PLD5: variants seen among roughly 807,000 people sequenced by gnomAD.
The protein encoded by PLD5 is inactive phospholipase D5.
Under a neutral mutation model 61.1 loss-of-function variants are expected in PLD5, and 36 were observed. The ratio of observed to expected loss-of-function variants is 0.59; its 90% CI spans 0.45 to 0.78. The LOEUF is 0.78. PLD5 is among the 30% of genes least tolerant of loss of function. The pLI is 0.00. For synonymous variants in PLD5, 243 were observed against 242.8 expected (o/e 1.00, Z -0.01); for missense variants, 515 against 644.4 (o/e 0.80, Z 2.17).
chr1:242,277,346 T>C (rs561870570), intron 3 of PLD5, among the ~76,000 whole-genome samples: 1 of 152,076 alleles, frequency 6.6e-6, no homozygotes, highest in Admixed American at 6.5e-5. Flanking sequence ...TGCAGTGAGA[T>C]TCCAGCATCC....
chr1:242,332,510 A>G (rs1659245367), intron 2 of PLD5, among the ~76,000 whole-genome samples: 1 of 152,238 alleles, frequency 6.6e-6, no homozygotes, highest in African/African-American at 2.4e-5. Flanking sequence ...ACAGTGTAAA[A>G]GCGTTCCTAT....
At chr1:242,184,884 C>T (rs1413199972) in intron 5 of PLD5, among the ~76,000 whole-genome samples, 1 of 152,148 alleles carries the variant, frequency 6.6e-6, no homozygotes, top group African/African-American at 2.4e-5. Context: ...AGGTGCAGGG[C>T]AATCAACAGA....
intron 1 of PLD5, among the ~76,000 whole-genome samples, chr1:242,496,606 T>G (rs1668377548): frequency 6.6e-6 from 1 of 152,360 alleles, no homozygotes; most frequent in Admixed American, 6.5e-5. Flanking sequence ...AAGTTACCAA[T>G]ATTGTCATTT....
chr1:242,521,155 T>C (rs1669267106), intron 1 of PLD5, among the ~76,000 whole-genome samples: 1 of 152,238 alleles, frequency 6.6e-6, no homozygotes, highest in South Asian at 2.1e-4. Context: ...TTCTTATTCA[T>C]TATTTTAGTA....
intron 1 of PLD5, among the ~76,000 whole-genome samples, chr1:242,355,200 A>G (rs2149229045): frequency 6.6e-6 from 1 of 152,270 alleles, no homozygotes; most frequent in Non-Finnish European, 1.5e-5. Flanking sequence ...GGGAATTGGT[A>G]ATAGTTCTTT....
intron 1 of PLD5, among the ~76,000 whole-genome samples, chr1:242,513,532 T>G (rs993694409): frequency 9.9e-5 from 15 of 152,184 alleles, no homozygotes; most frequent in African/African-American, 3.4e-4. Context: ...GTTTTAGGTT[T>G]AGAAATGATG....
Position 242,101,337 on chromosome 1 carries a change from G to A in PLD5, c.1240-555C>T, listed in dbSNP as rs371779369. Among the ~76,000 whole-genome samples, 49 of 151,854 alleles carry A rather than the reference G, an allele frequency of 3.2e-4. No individual in the cohort carries two copies. The East Asian group carries it at 5.6e-3, about 17-fold the overall frequency. ...AAAAAAAAAATCACAACTTCAAACC[G>A]TGAATTCTGAATTTCAACTTTTATT... is the stretch of plus-strand genomic sequence containing the variant. On this transcript the variant is annotated intron_variant, in intron 8 of 9. Transcript: ENST00000536534.
intron 6 of PLD5, among the ~76,000 whole-genome samples, chr1:242,114,531 G>A (rs956189560): frequency 6.6e-6 from 1 of 152,224 alleles, no homozygotes; most frequent in African/African-American, 2.4e-5. Flanking sequence ...CCCCAGGCCA[G>A]GGACCAGTAC....
At chr1:242,146,507 G>A (rs933237796) in intron 5 of PLD5, among the ~76,000 whole-genome samples, 3 of 151,978 alleles carry the variant, frequency 2.0e-5, no homozygotes, top group South Asian at 2.1e-4. Flanking sequence ...AAGAGAGATG[G>A]CTTCAATTTC....
intron 9 of PLD5, among the ~76,000 whole-genome samples, chr1:242,091,833 T>TTTTTTTTTTTTTTTTTTTTTTTTTTTC (rs1659856566): frequency 7.6e-6 from 1 of 132,370 alleles, no homozygotes; most frequent in Non-Finnish European, 1.6e-5. Flanking sequence ...TCTTTTTTTC[T>TTTTTTTTTTTTTTTTTTTTTTTTTTTC]TTTTTTTTTT....
chr1:242,092,967 T>C (rs899410993), intron 9 of PLD5, among the ~76,000 whole-genome samples: 2 of 152,110 alleles, frequency 1.3e-5, no homozygotes, highest in Non-Finnish European at 2.9e-5. Context: ...ACCTGCCCCC[T>C]TTTGCTTTAT....
chr1:242,294,632 T>G (rs1315677254), intron 2 of PLD5, among the ~76,000 whole-genome samples: 1 of 152,178 alleles, frequency 6.6e-6, no homozygotes, highest in African/African-American at 2.4e-5. Flanking sequence ...TGTGTGACCT[T>G]CAACAAATTA....
chr1:242,430,903 G>T (rs1257430482), intron 1 of PLD5, among the ~76,000 whole-genome samples: 2 of 152,104 alleles, frequency 1.3e-5, no homozygotes, highest in Non-Finnish European at 1.5e-5. Flanking sequence ...CTGTCCTGCA[G>T]CGCCTCCTGA....
chr1:242,184,111 T>G (rs1667719488), intron 5 of PLD5, among the ~76,000 whole-genome samples: 3 of 152,194 alleles, frequency 2.0e-5, no homozygotes, highest in Admixed American at 6.5e-5. Flanking sequence ...TGGAATCGAT[T>G]GCAAAGTGCT....
At chr1:242,477,866 T>G (rs547951724) in intron 1 of PLD5, among the ~76,000 whole-genome samples, 1 of 152,278 alleles carries the variant, frequency 6.6e-6, no homozygotes, top group Non-Finnish European at 1.5e-5. Flanking sequence ...TCCAGGAGCA[T>G]AAGAGCTGGA....
At chr1:242,185,310 A>G (rs1667802138) in intron 5 of PLD5, among the ~76,000 whole-genome samples, 1 of 152,144 alleles carries the variant, frequency 6.6e-6, no homozygotes, top group Non-Finnish European at 1.5e-5. Context: ...CAAGAAACTA[A>G]AGACAGTAAG....
At chr1:242,227,766 C>T (rs932824055) in intron 4 of PLD5, among the ~76,000 whole-genome samples, 12 of 152,142 alleles carry the variant, frequency 7.9e-5, no homozygotes, top group African/African-American at 2.7e-4. Flanking sequence ...CTTTGATGTG[C>T]GTCTGTTACA....
intron 1 of PLD5, among the ~76,000 whole-genome samples, chr1:242,389,680 A>C (rs1454172738): frequency 6.6e-6 from 1 of 152,074 alleles, no homozygotes; most frequent in Non-Finnish European, 1.5e-5. Context: ...TGATATAAGA[A>C]AGGCCAAACT....
In PLD5 at chr1:242,460,595, TCTG is replaced by T. The variant is rs1667087065; in HGVS notation, c.189+63490_189+63492del. On this transcript the variant is annotated intron_variant, in intron 1 of 9. Coordinates refer to ENST00000536534, the MANE Select transcript of PLD5 (RefSeq NM_001372062.1). ...TACTCTTCCTCTCTATCTACTGCCT[TCTG>T]CTCCTCCCTATACAGACACACAAAC... is the stretch of plus-strand genomic sequence containing the variant. 2.6e-5 allele frequency among the ~76,000 whole-genome samples: 4 copies of T among 152,176 alleles called. No individual in the cohort carries two copies. The South Asian group carries it at 8.3e-4, about 32-fold the overall frequency.
Sources: gnomAD v4.1 joint callset for allele counts (sites outside exome capture counted in the v4.1 genomes callset) on GRCh38, gnomAD v4.1.1 for gene constraint, MANE v1.5 for transcripts, NCBI Gene and HGNC (gene_info 2026-07-23, HGNC 2026-07-21) for gene names.